The following GALNTL6 variants were observed in gnomAD, a reference collection of about 807,000 sequenced individuals.
GALNTL6 encodes the protein polypeptide N-acetylgalactosaminyltransferase-like 6.
In GALNTL6, 46 loss-of-function variants were observed where a neutral mutation model predicts 73.7. The ratio of observed to expected loss-of-function variants is 0.62; its 90% CI spans 0.49 to 0.80. The LOEUF (loss-of-function observed/expected upper bound fraction) is 0.80. GALNTL6 is among the 30% of genes least tolerant of loss of function. The pLI is 0.00. For missense variants in GALNTL6, 604 were observed against 755.0 expected (o/e 0.80, Z 2.34); for synonymous variants, 259 against 263.7 (o/e 0.98, Z 0.17).
intron 5 of GALNTL6, among the ~76,000 whole-genome samples, chr4:172,701,578 C>T (rs757153058): frequency 2.7e-4 from 41 of 152,196 alleles, no homozygotes; most frequent in African/African-American, 8.9e-4. Context: ...GGGCTTTAGT[C>T]GCAGTGTTAC....
chr4:171,978,639 A>G (rs1404174278), intron 2 of GALNTL6, among the ~76,000 whole-genome samples: 3 of 152,190 alleles, frequency 2.0e-5, no homozygotes, highest in Non-Finnish European at 4.4e-5. Context: ...ACTCTTAATT[A>G]CAATGTTTTC....
rs144511513 is a variant in GALNTL6, at chr4:172,828,066, G to A, written c.923+14343G>A. ...CCAGGCCGATCACCTGAGGTCAGGA[G>A]TTCGAGACCAGCCTGGCCAACATGG... On this transcript the variant is annotated intron_variant, in intron 7 of 12. Transcript: ENST00000506823. Among the ~76,000 whole-genome samples, 1,280 of 152,040 alleles carry A rather than the reference G, an allele frequency of 8.4e-3. 14 individuals are homozygous for A. Among genetic ancestry groups the A allele is most frequent in the African/African-American group, 0.028 (1,176 of 41,464 alleles).
intron 5 of GALNTL6, among the ~76,000 whole-genome samples, chr4:172,418,719 C>A (rs1383668716): frequency 6.6e-6 from 1 of 152,146 alleles, no homozygotes; most frequent in Non-Finnish European, 1.5e-5. Context: ...AGCATTCTTG[C>A]ATGTTTTCAT....
intron 5 of GALNTL6, among the ~76,000 whole-genome samples, chr4:172,733,506 T>C (rs528321764): frequency 4.6e-5 from 7 of 152,132 alleles, no homozygotes; most frequent in South Asian, 2.1e-4. Context: ...CCTGCCCAAA[T>C]CTCGTCTTGA....
chr4:172,076,528 A>G (rs1404524160), intron 2 of GALNTL6, among the ~76,000 whole-genome samples: 5 of 152,258 alleles, frequency 3.3e-5, no homozygotes, highest in African/African-American at 9.6e-5. Context: ...GTTATCAAAT[A>G]AAATTAAAAA....
intron 2 of GALNTL6, among the ~76,000 whole-genome samples, chr4:172,000,652 A>G (rs1277867522): frequency 6.6e-6 from 1 of 152,158 alleles, no homozygotes; most frequent in Non-Finnish European, 1.5e-5. Context: ...AGTTTCTGCT[A>G]TTGTAAGTTA....
intron 2 of GALNTL6, among the ~76,000 whole-genome samples, chr4:172,126,094 A>G (rs936897216): frequency 2.0e-5 from 3 of 152,142 alleles, no homozygotes; most frequent in Non-Finnish European, 4.4e-5. Flanking sequence ...GTCACTTATC[A>G]GTATTATCTA....
At chr4:172,807,261 C>A (rs948757806) in intron 5 of GALNTL6, among the ~76,000 whole-genome samples, 2 of 152,198 alleles carry the variant, frequency 1.3e-5, no homozygotes, top group Non-Finnish European at 2.9e-5. Flanking sequence ...TAGCACAATA[C>A]TGCTTATATA....
intron 5 of GALNTL6, among the ~76,000 whole-genome samples, chr4:172,440,670 T>G (rs1338123817): frequency 6.6e-6 from 1 of 152,180 alleles, no homozygotes; most frequent in Non-Finnish European, 1.5e-5. Flanking sequence ...AATGTACCAC[T>G]CTGGTAGAAC....
Position 171,898,965 on chromosome 4 carries a change from G to A in GALNTL6, c.138+84247G>A, listed in dbSNP as rs1028526280. On this transcript the variant is annotated intron_variant, in intron 2 of 12. Transcript: ENST00000506823. Reference sequence around the variant, plus strand: ...GTTTCAATATAGATTTCTTTTTTCTGTTTTTGTTTTGTAGTTAAACAGCAT... The same window carrying A: ...GTTTCAATATAGATTTCTTTTTTCTATTTTTGTTTTGTAGTTAAACAGCAT... 9.6e-5 allele frequency among the ~76,000 whole-genome samples: 14 copies of A among 145,858 alleles called. No homozygotes were observed. The South Asian group carries it at 3.1e-3, about 32-fold the overall frequency.
intron 5 of GALNTL6, among the ~76,000 whole-genome samples, chr4:172,608,750 A>C (rs1437689187): frequency 6.6e-6 from 1 of 151,976 alleles, no homozygotes; most frequent in Non-Finnish European, 1.5e-5. Flanking sequence ...TTTTAATAAT[A>C]CTGATTTAGC....
chr4:171,939,664 G>A (rs1046629369), intron 2 of GALNTL6, among the ~76,000 whole-genome samples: 17 of 151,740 alleles, frequency 1.1e-4, no homozygotes, highest in South Asian at 2.1e-4. Context: ...AGAACAATAC[G>A]TTTTACAGAT....
At chr4:172,373,106 C>G (rs1306649940) in intron 5 of GALNTL6, among the ~76,000 whole-genome samples, 6 of 152,176 alleles carry the variant, frequency 3.9e-5, no homozygotes, top group African/African-American at 1.4e-4. Flanking sequence ...ACCAGAGTGC[C>G]TGGACTTGAG....
At chr4:172,344,471 C>A (rs1237348704) in intron 4 of GALNTL6, among the ~76,000 whole-genome samples, 2 of 152,104 alleles carry the variant, frequency 1.3e-5, no homozygotes, top group African/African-American at 4.8e-5. Flanking sequence ...CAGATCTGCA[C>A]CCTCATTATT....
chr4:171,880,117 T>A (rs906474887), intron 2 of GALNTL6, among the ~76,000 whole-genome samples: 31 of 152,120 alleles, frequency 2.0e-4, no homozygotes, highest in African/African-American at 7.5e-4. Context: ...AAAAGGAAAG[T>A]CTTCCATGTT....
At position 172,471,094 on chromosome 4, in the gene GALNTL6, C is replaced by T. The variant is rs537168649; in HGVS notation, c.553+122405C>T. ...TCCCAGGGTCTTAACTCCACCTCTGCAATTAAGTTTTCCTGATTCCTACCC... is the reference window on the plus strand; with the variant it reads ...TCCCAGGGTCTTAACTCCACCTCTGTAATTAAGTTTTCCTGATTCCTACCC... On this transcript the variant is annotated intron_variant, in intron 5 of 12. Coordinates refer to ENST00000506823, the MANE Select transcript of GALNTL6 (RefSeq NM_001034845.3). Among the ~76,000 whole-genome samples, 4 of 152,282 alleles carry T rather than the reference C, an allele frequency of 2.6e-5. No homozygotes were observed. The East Asian group carries it at 7.7e-4, about 29-fold the overall frequency.
intron 2 of GALNTL6, among the ~76,000 whole-genome samples, chr4:171,940,935 TA>T (rs1414401251): frequency 6.6e-6 from 1 of 151,674 alleles, no homozygotes; most frequent in Non-Finnish European, 1.5e-5. Context: ...TATAATACAA[TA>T]AGGTTTTAAA....
intron 2 of GALNTL6, among the ~76,000 whole-genome samples, chr4:172,219,804 A>G (rs1167588222): frequency 6.6e-6 from 1 of 151,968 alleles, no homozygotes; most frequent in East Asian, 1.9e-4. Context: ...CTGTAGACAA[A>G]TTATATTTAT....
intron 5 of GALNTL6, among the ~76,000 whole-genome samples, chr4:172,753,260 G>A (rs1737537531): frequency 6.6e-6 from 1 of 152,140 alleles, no homozygotes. Flanking sequence ...CTTCTGCCAT[G>A]ATTGTGAAGC....
Sources: gnomAD v4.1 joint callset for allele counts (sites outside exome capture counted in the v4.1 genomes callset) on GRCh38, gnomAD v4.1.1 for gene constraint, MANE v1.5 for transcripts, NCBI Gene and HGNC (gene_info 2026-07-23, HGNC 2026-07-21) for gene names.